The following L3MBTL4 variants were observed in gnomAD, a reference collection of about 807,000 sequenced individuals.
The protein encoded by L3MBTL4 is lethal(3)malignant brain tumor-like protein 4.
In L3MBTL4, 70 loss-of-function variants were observed where a neutral mutation model predicts 84.5. That is an observed-to-expected ratio of 0.83 (90% CI 0.68 to 1.01). The LOEUF is 1.01. Ranked by LOEUF, L3MBTL4 falls within the 50% of genes least tolerant of loss-of-function variation. The pLI, the probability that L3MBTL4 is intolerant of heterozygous loss-of-function variation, is 0.00. For missense variants in L3MBTL4, 715 were observed against 754.8 expected (o/e 0.95, Z 0.62); for synonymous variants, 274 against 259.8 (o/e 1.05, Z -0.52).
chr18:6,103,675 G>A (rs2058906459), intron 14 of L3MBTL4, among the ~76,000 whole-genome samples: 1 of 152,148 alleles, frequency 6.6e-6, no homozygotes, highest in African/African-American at 2.4e-5. Context: ...ACAGTTTCCT[G>A]AATATGCATG....
At chr18:6,038,506 G>C (rs144771990) in intron 16 of L3MBTL4, among the ~76,000 whole-genome samples, 1 of 151,760 alleles carries the variant, frequency 6.6e-6, no homozygotes, top group South Asian at 2.1e-4. Context: ...CTCCTGCCTC[G>C]GCCTCCCAAA....
At chr18:6,061,402 A>T (rs1254101360) in intron 16 of L3MBTL4, among the ~76,000 whole-genome samples, 1 of 151,952 alleles carries the variant, frequency 6.6e-6, no homozygotes, top group Admixed American at 6.6e-5. Flanking sequence ...TCTTAGATAT[A>T]TGTTTTGCAA....
chr18:6,140,312 C>T (rs945038708), intron 13 of L3MBTL4, among the ~76,000 whole-genome samples: 5 of 152,214 alleles, frequency 3.3e-5, no homozygotes, highest in African/African-American at 1.2e-4. Context: ...CTGCTAGGAA[C>T]TTAAACTCCC....
chr18:6,330,740 A>G (rs1208605392), intron 1 of L3MBTL4, among the ~76,000 whole-genome samples: 1 of 152,236 alleles, frequency 6.6e-6, no homozygotes, highest in Non-Finnish European at 1.5e-5. Context: ...AGTGTTTTTA[A>G]AACTTCTACT....
intron 16 of L3MBTL4, among the ~76,000 whole-genome samples, chr18:6,027,641 A>G (rs2055573529): frequency 1.3e-5 from 2 of 152,160 alleles, no homozygotes; most frequent in Admixed American, 1.3e-4. Flanking sequence ...GAACTAATTC[A>G]CGCTCCCACC....
chr18:5,996,150 C>A (rs1435470828), intron 16 of L3MBTL4, among the ~76,000 whole-genome samples: 1 of 152,200 alleles, frequency 6.6e-6, no homozygotes, highest in Non-Finnish European at 1.5e-5. Flanking sequence ...TAATTCTCGA[C>A]AGCTAAAAAT....
chr18:6,071,716 GGAAAGAAAGAAGGAAA>G (rs2057622053), intron 16 of L3MBTL4, among the ~76,000 whole-genome samples: 2 of 42,426 alleles, frequency 4.7e-5, no homozygotes, highest in African/African-American at 9.5e-5. Context: ...AAAGAAAGAA[GGAAAGAAAGAAGGAAA>G]GAAAGAAGGA....
intron 12 of L3MBTL4, among the ~76,000 whole-genome samples, chr18:6,207,974 G>A (rs1372172015): frequency 1.3e-5 from 2 of 152,002 alleles, no homozygotes; most frequent in African/African-American, 2.4e-5. Context: ...AATTAGCTAG[G>A]TGTGGTGGCG....
intron 16 of L3MBTL4, chr18:6,030,537 C>T (rs1478084551): frequency 3.4e-6 from 3 of 893,440 alleles, no homozygotes; most frequent in Admixed American, 6.3e-5. Flanking sequence ...CTCACTCTGT[C>T]GCCCAGGCTG....
chr18:6,408,975 C>T (rs897406540), intron 1 of L3MBTL4, among the ~76,000 whole-genome samples: 2 of 152,158 alleles, frequency 1.3e-5, no homozygotes, highest in African/African-American at 4.8e-5. Context: ...CTGTGCCCAG[C>T]CTTGCCCAGT....
chr18:6,034,081 C>T lies in L3MBTL4; in HGVS notation c.1444+46800G>A, dbSNP rs537943559. Among the ~76,000 whole-genome samples, 198 of 152,126 alleles carry T rather than the reference C, an allele frequency of 1.3e-3. 1 individual carries two copies. The highest frequency in any genetic ancestry group is 4.4e-3 in the South Asian group (21 of 4,814). ...TTCTTTGAGCATTTCTTGCAGGGCA[C>T]GTCTGGTGGTTATGAACTCCCTCAG... On this transcript the variant is annotated intron_variant, in intron 16 of 18. Coordinates refer to ENST00000317931, the MANE Select transcript of L3MBTL4 (RefSeq NM_001330559.2).
intron 13 of L3MBTL4, among the ~76,000 whole-genome samples, chr18:6,154,660 A>ATG (rs2043028744): frequency 6.6e-6 from 1 of 152,158 alleles, no homozygotes; most frequent in African/African-American, 2.4e-5. Context: ...ATGCTCAACA[A>ATG]CGCCAACTGT....
rs530494896 is a variant in L3MBTL4 at position 6,327,753 on chromosome 18, G to A, written c.-90-15697C>T. Among the ~76,000 whole-genome samples, 332 of 152,288 alleles carry A rather than the reference G, an allele frequency of 2.2e-3. 1 individual carries two copies. The highest frequency in any genetic ancestry group is 5.8e-3 in the African/African-American group (241 of 41,560). On this transcript the variant is annotated intron_variant, in intron 1 of 18. Transcript: ENST00000317931. Reference sequence around the variant, plus strand: ...AGATTAGTAAATCTGGACAGCCAGCGTAGAGTTGTTCATTTTCTTATTCTC... The same window carrying A: ...AGATTAGTAAATCTGGACAGCCAGCATAGAGTTGTTCATTTTCTTATTCTC...
intron 4 of L3MBTL4, among the ~76,000 whole-genome samples, chr18:6,294,806 T>C (rs966779105): frequency 2.6e-5 from 4 of 152,172 alleles, no homozygotes; most frequent in African/African-American, 9.7e-5. Flanking sequence ...TAATCACAGA[T>C]GTAGGAGAGA....
chr18:6,375,904 C>T (rs2054347613), intron 1 of L3MBTL4, among the ~76,000 whole-genome samples: 1 of 152,164 alleles, frequency 6.6e-6, no homozygotes, highest in South Asian at 2.1e-4. Flanking sequence ...GGCGAGGGCA[C>T]TAGTTTAGGT....
chr18:5,978,488 G>A (rs1246015512), intron 16 of L3MBTL4, among the ~76,000 whole-genome samples: 2 of 152,196 alleles, frequency 1.3e-5, no homozygotes, highest in Non-Finnish European at 2.9e-5. Flanking sequence ...TTTACTGGCA[G>A]AGGAGACACC....
At chr18:6,135,508 T>C (rs1180084882) in intron 14 of L3MBTL4, among the ~76,000 whole-genome samples, 1 of 152,256 alleles carries the variant, frequency 6.6e-6, no homozygotes, top group Non-Finnish European at 1.5e-5. Flanking sequence ...AACTTTTGAA[T>C]GCTTTGCTGC....
chr18:6,337,351 T>C (rs1247823059), intron 1 of L3MBTL4, among the ~76,000 whole-genome samples: 1 of 152,066 alleles, frequency 6.6e-6, no homozygotes, highest in Non-Finnish European at 1.5e-5. Context: ...ACAGTGTACT[T>C]ATAATAACAA....
At chr18:6,006,578 T>G (rs1407337402) in intron 16 of L3MBTL4, among the ~76,000 whole-genome samples, 1 of 151,868 alleles carries the variant, frequency 6.6e-6, no homozygotes, top group East Asian at 1.9e-4. Flanking sequence ...CATGAAGGAA[T>G]TGCAGGCAAA....
Sources: allele counts gnomAD v4.1 joint callset (sites outside exome capture counted in the v4.1 genomes callset), GRCh38; gene constraint gnomAD v4.1.1; transcripts MANE v1.5; gene names NCBI Gene and HGNC (gene_info 2026-07-23, HGNC 2026-07-21).